The following MYH2 variants were observed in gnomAD, a reference collection of about 807,000 sequenced individuals.
MYH2 encodes the protein myosin-2.
MYH2 carries 139 observed loss-of-function variants against 228.1 expected under a neutral mutation model. The observed-to-expected ratio is 0.61, with a 90% CI of 0.53 to 0.70. The LOEUF is 0.70. Among genes scored for constraint, MYH2 ranks in the 30% least tolerant of loss-of-function variants. The probability of loss-of-function intolerance (pLI) is 0.00; values close to 1 mark genes in which losing one functional copy is unlikely to be tolerated. For missense variants in MYH2, 1,809 were observed against 2,357.5 expected, an observed-to-expected ratio of 0.77 and a Z score of 4.82; for synonymous variants, 796 against 871.1, an observed-to-expected ratio of 0.91 and a Z score of 1.52.
chr17:10,530,256 T>C (rs1000266108), intron 22 of MYH2, among the ~76,000 whole-genome samples, 182 bp from the exon 23 acceptor site: 2 of 152,252 alleles, frequency 1.3e-5, no homozygotes, highest in Non-Finnish European at 2.9e-5. Context: ...TAAGCCAAAA[T>C]GTACCAGTTG....
At position 10,535,130 on chromosome 17, in the gene MYH2, A is replaced by G; in HGVS notation, c.2123T>C (p.Ile708Thr). The change falls in exon 19 of 40, where the codon ATC becomes ACC. Residue 708 changes from isoleucine to threonine, a missense_variant. Transcript: ENST00000245503. ...TGGAAATCCTTTCCTACAGATGCGG[A>G]TGCCTTCCAGCACACCGTTACACCT... ...QLRCNGVLEG[I>T]RICRKGFPSR... is the part of the protein sequence containing the mutation. 2.5e-6 allele frequency: 4 copies of G among 1,614,192 alleles called. No homozygotes were observed. The highest frequency in any genetic ancestry group is 3.4e-6 in the Non-Finnish European group (4 of 1,180,030).
chr17:10,538,172 G>C (rs1288647540), intron 14 of MYH2, among the ~76,000 whole-genome samples: 1 of 152,070 alleles, frequency 6.6e-6, no homozygotes, highest in African/African-American at 2.4e-5. Flanking sequence ...AAGGTTTACA[G>C]TTTTCTGTTG....
intron 17 of MYH2, 72 bp downstream of exon 17, chr17:10,536,457 GT>G: frequency 8.1e-7 from 1 of 1,241,408 alleles, no homozygotes; most frequent in Non-Finnish European, 1.2e-6. Context: ...AAAAATAGAA[GT>G]TCAGAAAAAC....
intron 11 of MYH2, 149 bp downstream of exon 11, chr17:10,540,445 A>G (rs2073537465): frequency 8.1e-6 from 6 of 739,488 alleles, no homozygotes; most frequent in South Asian, 6.2e-5. Context: ...ATAGGGGCAC[A>G]TCATACTCTT....
Position 10,533,291 on chromosome 17 carries a change from T to C in MYH2, c.2435A>G (p.Glu812Gly), listed in dbSNP as rs1597452607. The C allele has an allele frequency of 1.9e-6, 3 of 1,614,066 alleles. No homozygotes were observed. Among genetic ancestry groups the C allele is most frequent in the Non-Finnish European group, 2.5e-6 (3 of 1,180,024 alleles). ...LARVEYQRMVERREAIFCIQY... is the reference protein window; with the variant it reads ...LARVEYQRMVGRREAIFCIQY... ...ATAAACATATTTTTTATACCTTCTC[T>C]CCACCATCCTCTGGTACTCCACTCT... The change falls in exon 21 of 40, where the codon GAG becomes GGG. Residue 812 changes from glutamate (E) to glycine (G), a missense_variant. Glu to Gly is a moderately conservative substitution (Grantham distance 98). This residue lies in a region of MYH2 where 276 missense variants were observed against 344.2 expected (regional missense o/e 0.80). Transcript: ENST00000245503.
rs2073522266 is a variant in MYH2 at position 10,539,332 on chromosome 17, A to C, written c.1289T>G (p.Leu430Arg). The C allele has an allele frequency of 3.7e-6, 6 of 1,614,116 alleles. No homozygotes were observed. Among genetic ancestry groups the C allele is most frequent in the Non-Finnish European group, 5.1e-6 (6 of 1,180,048 alleles). ...VEQVSNAVGA[L>R]AKAVYEKMFL... ...CATCTTCTCGTAGACGGCTTTGGCC[A>C]GAGCACCTACTGCGTTGGACACCTT... Residue 430 changes from leucine (L) to arginine (R), a missense_variant, in exon 14 of 40, where the codon CTG becomes CGG. This residue lies in a region of MYH2 where 373 missense variants were observed against 620.4 expected (regional missense o/e 0.60). Transcript: ENST00000245503.
intron 35 of MYH2, 31 bp from the exon 36 acceptor site, chr17:10,523,915 A>T: frequency 6.2e-7 from 1 of 1,605,342 alleles, no homozygotes; most frequent in Non-Finnish European, 8.5e-7. Flanking sequence ...CATTTAAAAA[A>T]TTGTGTTACC....
intron 27 of MYH2, 114 bp downstream of exon 27, chr17:10,528,576 T>G (rs2073383325): frequency 6.6e-7 from 1 of 1,506,418 alleles, no homozygotes; most frequent in Non-Finnish European, 9.1e-7. Context: ...TGTGCTTACT[T>G]CCCTGAATTA....
chr17:10,544,049 C>T, intron 6 of MYH2, 33 bp from the exon 7 acceptor site: 1 of 1,614,194 alleles, frequency 6.2e-7, no homozygotes, highest in Non-Finnish European at 8.5e-7. Context: ...GATGTGGTCT[C>T]AAACCTAGCA....
intron 17 of MYH2, among the ~76,000 whole-genome samples, chr17:10,535,751 AC>A (rs1049628896): frequency 1.3e-5 from 2 of 152,170 alleles, no homozygotes; most frequent in African/African-American, 4.8e-5. Flanking sequence ...AGCCTGCACC[AC>A]ATTTGGACGT....
rs1407191404 is a variant in MYH2 at position 10,521,422 on chromosome 17, G to C, written c.5684C>G (p.Ser1895Cys). The part of the protein sequence containing the change: ...KRQAEEAEEQ[S>C]NTNLAKFRKL... Reference sequence around the variant, plus strand: ...GCGGAATTTAGCTAGATTGGTGTTGGATTGTTCCTCCTGAGAATAAAAATG... The same window carrying C: ...GCGGAATTTAGCTAGATTGGTGTTGCATTGTTCCTCCTGAGAATAAAAATG... The change falls in exon 40 of 40, where the codon TCC becomes TGC. Residue 1895 changes from serine to cysteine, a missense_variant. This residue lies in a region of MYH2 where 278 missense variants were observed against 308.5 expected (regional missense o/e 0.90). Transcript: ENST00000245503. 2 of 1,614,052 alleles carry C rather than the reference G, an allele frequency of 1.2e-6. No individual in the cohort carries two copies. Among genetic ancestry groups the C allele is most frequent in the Non-Finnish European group, 8.5e-7 (1 of 1,179,950 alleles).
At chr17:10,526,574 C>T (rs1202614498) in intron 30 of MYH2, 25 bp downstream of exon 30, 3 of 1,613,736 alleles carry the variant, frequency 1.9e-6, no homozygotes, top group Non-Finnish European at 2.5e-6. Context: ...GTTTTCTGCT[C>T]ATTCTCTCAT....
chr17:10,533,715 AG>A, intron 19 of MYH2, 83 bp from the exon 20 acceptor site: 1 of 1,518,440 alleles, frequency 6.6e-7, no homozygotes, highest in South Asian at 1.1e-5. Context: ...CATTTTTTAA[AG>A]CAGAGCTTTA....
Position 10,526,703 on chromosome 17 carries a change from G to A in MYH2, c.4083C>T (p.Ala1361=), listed in dbSNP as rs780127918. 16 of 1,614,014 alleles carry A rather than the reference G, an allele frequency of 9.9e-6. No individual in the cohort carries two copies. The Admixed American group carries it at 1.0e-4, about 10-fold the overall frequency. ...EQYEEEQESK[A]ELQRALSKAN... Reference sequence around the variant, plus strand: ...CCTTGGACAGTGCTCTCTGCAGCTCGGCCTTGGATTCCTGCTCCTCCTCAT... The same window carrying A: ...CCTTGGACAGTGCTCTCTGCAGCTCAGCCTTGGATTCCTGCTCCTCCTCAT... The change falls in exon 30 of 40, where the codon GCC becomes GCT. Residue 1361 remains alanine (A), a synonymous_variant. Transcript: ENST00000245503.
rs200732220 is a variant in MYH2 at position 10,525,031 on chromosome 17, C to T, written c.4697G>A (p.Arg1566His). The T allele has an allele frequency of 1.6e-4, 261 of 1,614,078 alleles. No individual in the cohort carries two copies. Among genetic ancestry groups the T allele is most frequent in the Middle Eastern group, 3.3e-4 (2 of 6,062 alleles). ...SLEHEEGKILRIQLELNQVKS... is the reference protein window; with the variant it reads ...SLEHEEGKILHIQLELNQVKS... ...GACTTGGTTCAACTCAAGCTGGATGCGCAGGATCTTTCCCTCTTCATGTTC... is the reference window on the plus strand; with the variant it reads ...GACTTGGTTCAACTCAAGCTGGATGTGCAGGATCTTTCCCTCTTCATGTTC... Residue 1566 changes from arginine (R) to histidine (H), a missense_variant, in exon 34 of 40, where the codon CGC becomes CAC. Coordinates refer to ENST00000245503, the MANE Select transcript of MYH2 (RefSeq NM_017534.6). This position sits in a 1 kb window ranked among gnomAD's most constrained non-coding sequence, Gnocchi z 4.2.
Position 10,544,005 on chromosome 17 carries a change from C to T in MYH2, c.545G>A (p.Gly182Asp), listed in dbSNP as rs1406051947. 2.5e-6 allele frequency: 4 copies of T among 1,614,208 alleles called. No homozygotes were observed. The highest frequency in any genetic ancestry group is 3.4e-6 in the Non-Finnish European group (4 of 1,180,034). Residue 182 changes from glycine (G) to aspartate (D), a missense_variant, in exon 7 of 40, where the codon GGT becomes GAT. By Grantham distance (94) the Gly-to-Asp change is moderately conservative (BLOSUM62 -1). Transcript: ENST00000245503. Reference sequence around the variant, plus strand: ...CTTGGTGTTCACAGTCTTCCCTGCACCAGATTCTCCACTGTCAAATCAAAA... The same window carrying T: ...CTTGGTGTTCACAGTCTTCCCTGCATCAGATTCTCCACTGTCAAATCAAAA... Reference protein sequence around the residue: ...NQSILITGESGAGKTVNTKRV... With the variant: ...NQSILITGESDAGKTVNTKRV...
At chr17:10,529,115 G>A (rs757047792) in intron 26 of MYH2, 36 bp from the exon 27 acceptor site, 53 of 1,614,020 alleles carry the variant, frequency 3.3e-5, no homozygotes, top group Non-Finnish European at 4.2e-5. Context: ...CAGCTTCTTT[G>A]TGTCATAACT....
chr17:10,539,226 A>G lies in MYH2; in HGVS notation c.1395T>C (p.Ile465=), dbSNP rs2073520703. The change falls in exon 14 of 40, where the codon ATT becomes ATC. Residue 465 remains isoleucine, a synonymous_variant. Coordinates refer to ENST00000245503, the MANE Select transcript of MYH2 (RefSeq NM_017534.6). The stretch of plus-strand genomic sequence containing the variant: ...TCACATCAAAAATCTCAAAACCAGC[A>G]ATGTCCAAGACCCCGATGAAGTACT... ...PRQYFIGVLD[I]AGFEIFDFNS... is the part of the protein sequence containing the mutation. 2 of 1,614,068 alleles carry G rather than the reference A, an allele frequency of 1.2e-6. No homozygotes were observed. The highest frequency in any genetic ancestry group is 1.7e-6 in the Non-Finnish European group (2 of 1,180,042).
Position 10,521,530 on chromosome 17 carries a change from A to G in MYH2, c.5674-98T>C. On this transcript the variant is annotated intron_variant, in intron 39 of 39. Transcript: ENST00000245503. ...AGGACTTGGCATCTATGGAGAAGCAACATCTAGGGATTATCATTGAAATTA... is the reference window on the plus strand; with the variant it reads ...AGGACTTGGCATCTATGGAGAAGCAGCATCTAGGGATTATCATTGAAATTA... 4.5e-6 allele frequency: 5 copies of G among 1,110,100 alleles called. No homozygotes were observed. The Middle Eastern group carries it at 6.1e-4, about 135-fold the overall frequency. 68.8% of individuals were successfully genotyped at this position (1,110,100 alleles called of 1,614,324 possible). A position where few individuals can be genotyped will look rare whatever the true frequency, so the allele number is the denominator to read the frequency against.
Sources: gnomAD v4.1 joint callset for allele counts (sites outside exome capture counted in the v4.1 genomes callset) on GRCh38, gnomAD v4.1.1 for gene constraint, gnomAD v4.1.1 regional missense constraint, Gnocchi (gnomAD v3.1) non-coding constraint, MANE v1.5 for transcripts, NCBI Gene and HGNC (gene_info 2026-07-23, HGNC 2026-07-21) for gene names.